Variants in ZNF536 observed in about 807,000 individuals in gnomAD.
The protein encoded by ZNF536 is zinc finger protein 536.
In ZNF536, 13 loss-of-function variants were observed where a neutral mutation model predicts 84.5. The observed-to-expected ratio is 0.15, with a 90% CI of 0.10 to 0.24. The LOEUF (loss-of-function observed/expected upper bound fraction) is 0.24, where lower values mean the gene tolerates loss of function less well. ZNF536 is among the 10% of genes least tolerant of loss of function. The pLI is 1.00. For synonymous variants in ZNF536, 811 were observed against 742.5 expected (o/e 1.09, Z -1.50); for missense variants, 1,536 against 1,747.5 (o/e 0.88, Z 2.16).
intron 2 of ZNF536, among the ~76,000 whole-genome samples, chr19:30,479,537 G>A (rs929915177): frequency 1.3e-5 from 2 of 152,238 alleles, no homozygotes; most frequent in African/African-American, 4.8e-5. Context: ...ACAACTGTTT[G>A]TTTAATTGCA....
chr19:30,533,796 A>C (rs2145917714), intron 2 of ZNF536, among the ~76,000 whole-genome samples: 1 of 152,312 alleles, frequency 6.6e-6, no homozygotes, highest in Middle Eastern at 3.4e-3. Context: ...TCACCCCGCT[A>C]TCCTCAGGAG....
chr19:30,495,525 G>T (rs1291973811), intron 2 of ZNF536, among the ~76,000 whole-genome samples: 2 of 152,186 alleles, frequency 1.3e-5, no homozygotes, highest in African/African-American at 4.8e-5. Context: ...TTCGAACAGA[G>T]AGAAAGTTGT....
chr19:30,307,104 G>A (rs1484185678), intron 2 of ZNF536, among the ~76,000 whole-genome samples: 1 of 152,082 alleles, frequency 6.6e-6, no homozygotes, highest in South Asian at 2.1e-4. Context: ...GCTTTACTTA[G>A]AAGGATGTAA....
chr19:30,380,580 G>A (rs1272374138), intron 1 of ZNF536, among the ~76,000 whole-genome samples: 1 of 152,168 alleles, frequency 6.6e-6, no homozygotes, highest in African/African-American at 2.4e-5. Flanking sequence ...CAACTGATTT[G>A]TTTCAAACTC....
chr19:30,411,735 T>C (rs903917362), intron 1 of ZNF536, among the ~76,000 whole-genome samples: 1 of 152,148 alleles, frequency 6.6e-6, no homozygotes, highest in African/African-American at 2.4e-5. Flanking sequence ...ATAGTACACA[T>C]GCTGTCTTTT....
At chr19:30,634,692 C>T (rs775816044) in intron 1 of ZNF536, among the ~76,000 whole-genome samples, 25 of 152,090 alleles carry the variant, frequency 1.6e-4, no homozygotes, top group African/African-American at 5.3e-4. Context: ...TGCATCCACG[C>T]GTGTGAATGA....
chr19:30,541,007 G>A (rs1255266892), intron 3 of ZNF536, among the ~76,000 whole-genome samples: 3 of 152,248 alleles, frequency 2.0e-5, no homozygotes, highest in Non-Finnish European at 4.4e-5. Context: ...ATGTGGAGGC[G>A]CTCTGACCTC....
At chr19:30,684,392 C>G (rs2051092634) in intron 1 of ZNF536, among the ~76,000 whole-genome samples, 1 of 152,168 alleles carries the variant, frequency 6.6e-6, no homozygotes, top group Non-Finnish European at 1.5e-5. Flanking sequence ...CCGCCTTGGC[C>G]TCCCAAAGTG....
At chr19:30,567,761 A>G (rs1479010115) in intron 1 of ZNF536, among the ~76,000 whole-genome samples, 2 of 152,130 alleles carry the variant, frequency 1.3e-5, no homozygotes, top group Non-Finnish European at 2.9e-5. Flanking sequence ...ACCCGGCGTC[A>G]CTGGAGATCC....
At chr19:30,367,610 C>G (rs2048478453), upstream of ZNF536, among the ~76,000 whole-genome samples, 1 of 152,170 alleles carries the variant, frequency 6.6e-6, no homozygotes, top group Non-Finnish European at 1.5e-5. Context: ...TAGATCAGAG[C>G]CTTCAATGCC....
chr19:30,496,384 C>T (rs945913079), intron 2 of ZNF536, among the ~76,000 whole-genome samples: 1 of 152,152 alleles, frequency 6.6e-6, no homozygotes, highest in African/African-American at 2.4e-5. Flanking sequence ...TCTGGGGATG[C>T]CATGGTCCTT....
At chr19:30,587,125 G>C (rs1468769680) in intron 1 of ZNF536, among the ~76,000 whole-genome samples, 1 of 152,158 alleles carries the variant, frequency 6.6e-6, no homozygotes. Context: ...TCCTCAACCA[G>C]CCTTTCCCAT....
intron 2 of ZNF536, among the ~76,000 whole-genome samples, chr19:30,334,165 A>G (rs895215872): frequency 6.6e-6 from 1 of 152,200 alleles, no homozygotes; most frequent in Non-Finnish European, 1.5e-5. Flanking sequence ...CCAATGGGAA[A>G]TGAGTGCTTG....
In ZNF536 at chr19:30,482,766, C is replaced by T. The variant is rs147543938; in HGVS notation, c.2170+37034C>T. On this transcript the variant is annotated intron_variant, in intron 2 of 4. Transcript: ENST00000355537. ...CCAGCCAGCTCAAAGTTCTAATGGA[C>T]GGTCAGAGTGAAATGTTCTATCAGT... 5.5e-3 allele frequency among the ~76,000 whole-genome samples: 832 copies of T among 152,264 alleles called. 6 individuals are homozygous for T. The highest frequency in any genetic ancestry group is 0.019 in the African/African-American group (791 of 41,534).
intron 1 of ZNF536, among the ~76,000 whole-genome samples, chr19:30,255,625 G>T (rs538117628): frequency 1.3e-5 from 2 of 152,264 alleles, no homozygotes; most frequent in Non-Finnish European, 2.9e-5. Flanking sequence ...GGATGGGGTG[G>T]CTCAATGTTG....
intron 2 of ZNF536, among the ~76,000 whole-genome samples, chr19:30,529,330 G>A (rs930810420): frequency 6.6e-6 from 1 of 152,128 alleles, no homozygotes; most frequent in African/African-American, 2.4e-5. Context: ...CCAACCTCAG[G>A]GGTGGTTTCA....
intron 1 of ZNF536, among the ~76,000 whole-genome samples, chr19:30,563,576 C>G (rs571258965): frequency 1.3e-5 from 2 of 152,188 alleles, no homozygotes; most frequent in South Asian, 2.1e-4. Flanking sequence ...GTTCTTGAAG[C>G]CTTTGAGGTA....
intron 2 of ZNF536, among the ~76,000 whole-genome samples, chr19:30,523,928 G>A (rs1401574015): frequency 6.6e-6 from 1 of 152,256 alleles, no homozygotes; most frequent in Non-Finnish European, 1.5e-5. Context: ...GTATTTGTGA[G>A]TCTGTTATGC....
At chr19:30,367,121 G>A (rs1390631575) in intron 3 of ZNF536, among the ~76,000 whole-genome samples, 1 of 152,214 alleles carries the variant, frequency 6.6e-6, no homozygotes, top group Non-Finnish European at 1.5e-5. Flanking sequence ...CTTGCTAGGG[G>A]CAGTGGCCCC....
Sources: gnomAD v4.1 joint callset for allele counts (sites outside exome capture counted in the v4.1 genomes callset) on GRCh38, gnomAD v4.1.1 for gene constraint, MANE v1.5 for transcripts, NCBI Gene and HGNC (gene_info 2026-07-23, HGNC 2026-07-21) for gene names.